COX7B2: variants seen among roughly 807,000 people sequenced by gnomAD.
COX7B2 encodes cytochrome c oxidase subunit 7B2.
For synonymous variants in COX7B2, 37 were observed against 32.1 expected, an observed-to-expected ratio of 1.15 and a Z score of -0.51; for missense variants, 109 against 95.9, an observed-to-expected ratio of 1.14 and a Z score of -0.57.
At chr4:46,837,859 A>C (rs1715643737) in intron 2 of COX7B2, among the ~76,000 whole-genome samples, 1 of 152,058 alleles carries the variant, frequency 6.6e-6, no homozygotes, top group Non-Finnish European at 1.5e-5. Context: ...ATGGGGAATA[A>C]TAATAATTAA....
At chr4:46,779,193 C>T (rs1426058672) in intron 2 of COX7B2, among the ~76,000 whole-genome samples, 1 of 152,138 alleles carries the variant, frequency 6.6e-6, no homozygotes, top group African/African-American at 2.4e-5. Flanking sequence ...AATTCTCAGG[C>T]AACCCAAAGA....
chr4:46,743,350 A>G (rs1230925303), intron 2 of COX7B2, among the ~76,000 whole-genome samples: 1 of 152,150 alleles, frequency 6.6e-6, no homozygotes, highest in Non-Finnish European at 1.5e-5. Flanking sequence ...ACAGGTATCT[A>G]AAAAGGACAA....
chr4:46,763,005 A>G (rs1440764049), intron 2 of COX7B2, among the ~76,000 whole-genome samples: 2 of 123,080 alleles, frequency 1.6e-5, no homozygotes, highest in Admixed American at 9.0e-5. Flanking sequence ...TATTAAATAT[A>G]CATAATTATA....
intron 2 of COX7B2, among the ~76,000 whole-genome samples, chr4:46,794,654 T>C (rs1718227413): frequency 2.0e-5 from 3 of 152,100 alleles, no homozygotes; most frequent in Admixed American, 1.3e-4. Flanking sequence ...AATTAGATCC[T>C]AGGGTGACAG....
chr4:46,818,828 A>G (rs1483267692), intron 2 of COX7B2, among the ~76,000 whole-genome samples: 1 of 152,216 alleles, frequency 6.6e-6, no homozygotes, highest in Non-Finnish European at 1.5e-5. Context: ...TAACTGTTCC[A>G]CAAACACAGG....
intron 1 of COX7B2, among the ~76,000 whole-genome samples, chr4:46,890,059 G>A (rs1000998035): frequency 6.6e-6 from 1 of 152,060 alleles, no homozygotes; most frequent in Admixed American, 6.6e-5. Context: ...GTGGCCAACT[G>A]AGCTCAGGTC....
intron 2 of COX7B2, among the ~76,000 whole-genome samples, chr4:46,809,704 G>GA (rs1278933300): frequency 5.3e-5 from 8 of 151,654 alleles, no homozygotes; most frequent in Admixed American, 2.6e-4. Flanking sequence ...ATGTATTCTG[G>GA]AAAAAATGTC....
At chr4:46,763,143 ATATAT>A in intron 2 of COX7B2, among the ~76,000 whole-genome samples, 1 of 50,784 alleles carries the variant, frequency 2.0e-5, no homozygotes, top group Non-Finnish European at 3.8e-5. Flanking sequence ...TTGTATAATT[ATATAT>A]TATAATATAT....
intron 1 of COX7B2, among the ~76,000 whole-genome samples, chr4:46,894,368 T>A (rs146474849): frequency 4.6e-4 from 70 of 152,030 alleles, no homozygotes; most frequent in African/African-American, 1.6e-3. Context: ...TTAACAAACC[T>A]GACAAAAGCA....
At chr4:46,890,148 C>G (rs1296270031) in intron 1 of COX7B2, among the ~76,000 whole-genome samples, 2 of 152,052 alleles carry the variant, frequency 1.3e-5, no homozygotes, top group Admixed American at 6.6e-5. Context: ...TGGAATGAGT[C>G]CTAAAGCTTT....
chr4:46,819,061 C>T (rs1027792250), intron 2 of COX7B2, among the ~76,000 whole-genome samples: 1 of 152,182 alleles, frequency 6.6e-6, no homozygotes, highest in Non-Finnish European at 1.5e-5. Flanking sequence ...TGTTCACAAT[C>T]ACCTCGAATT....
At chr4:46,804,291 G>C (rs185058724) in intron 2 of COX7B2, among the ~76,000 whole-genome samples, 40 of 152,308 alleles carry the variant, frequency 2.6e-4, no homozygotes, top group Admixed American at 1.1e-3. Context: ...AAAGAACGAA[G>C]CTTCCACGGT....
In COX7B2 at chr4:46,902,897, A is replaced by G. The variant is rs146026705; in HGVS notation, c.-105+6263T>C. 2.8e-3 allele frequency among the ~76,000 whole-genome samples: 419 copies of G among 152,218 alleles called. 2 individuals carry two copies. Among genetic ancestry groups the G allele is most frequent in the African/African-American group, 9.5e-3 (393 of 41,552 alleles). On this transcript the variant is annotated intron_variant, in intron 1 of 2. Coordinates refer to ENST00000355591, the MANE Select transcript of COX7B2 (RefSeq NM_130902.3). ...GTCTCAAAATAATAAATAAATAAAAATAAAAATAAAAAATTTGTAGTCATT... is the reference window on the plus strand; with the variant it reads ...GTCTCAAAATAATAAATAAATAAAAGTAAAAATAAAAAATTTGTAGTCATT...
chr4:46,855,144 A>G (rs1360936875), intron 1 of COX7B2, among the ~76,000 whole-genome samples: 1 of 152,118 alleles, frequency 6.6e-6, no homozygotes, highest in African/African-American at 2.4e-5. Flanking sequence ...CCTGGCCAAC[A>G]TGGTGAAAAC....
chr4:46,798,041 G>A (rs773744650), intron 2 of COX7B2, among the ~76,000 whole-genome samples: 2 of 152,162 alleles, frequency 1.3e-5, no homozygotes, highest in Non-Finnish European at 1.5e-5. Context: ...TTTCATGCTT[G>A]TCTATTACAT....
At chr4:46,903,442 T>A (rs1216079148) in intron 1 of COX7B2, among the ~76,000 whole-genome samples, 2 of 152,110 alleles carry the variant, frequency 1.3e-5, no homozygotes, top group Non-Finnish European at 2.9e-5. Context: ...CTTGTAACAT[T>A]GTAGCGCAAT....
At chr4:46,761,715 C>A (rs1468153676) in intron 2 of COX7B2, among the ~76,000 whole-genome samples, 1 of 152,048 alleles carries the variant, frequency 6.6e-6, no homozygotes, top group East Asian at 1.9e-4. Flanking sequence ...TGCTTGCCCA[C>A]ATGATGAATT....
intron 1 of COX7B2, among the ~76,000 whole-genome samples, chr4:46,868,320 A>C (rs1051551464): frequency 1.3e-5 from 2 of 152,122 alleles, no homozygotes; most frequent in Non-Finnish European, 2.9e-5. Context: ...TCAAAAAACC[A>C]ACTCCTGGAT....
At chr4:46,748,347 A>C (rs918020833) in intron 2 of COX7B2, among the ~76,000 whole-genome samples, 3 of 152,228 alleles carry the variant, frequency 2.0e-5, no homozygotes, top group African/African-American at 7.2e-5. Context: ...ACATTATTTT[A>C]TTTAACTGAA....
Sources: allele counts gnomAD v4.1 joint callset (sites outside exome capture counted in the v4.1 genomes callset), GRCh38; gene constraint gnomAD v4.1.1; transcripts MANE v1.5; gene names NCBI Gene and HGNC (gene_info 2026-07-23, HGNC 2026-07-21).